Variants in MGRN1 observed in about 807,000 individuals in gnomAD.
The protein encoded by MGRN1 is E3 ubiquitin-protein ligase MGRN1.
A neutral mutation model predicts 69.2 loss-of-function variants in MGRN1; 29 were observed. That is an observed-to-expected ratio of 0.42 (90% confidence interval 0.31 to 0.57). MGRN1 has a LOEUF of 0.57. MGRN1 is among the 20% of genes least tolerant of loss of function. MGRN1 has a pLI of 0.15. For missense variants in MGRN1, 998 were observed against 796.2 expected, an observed-to-expected ratio of 1.25 and a Z score of -3.05; for synonymous variants, 470 against 344.2, an observed-to-expected ratio of 1.37 and a Z score of -4.04.
chr16:4,668,433 A>G, intron 8 of MGRN1, 121 bp downstream of exon 8: 1 of 925,212 alleles, frequency 1.1e-6, no homozygotes, highest in East Asian at 2.6e-5. Context: ...ATACACGCTC[A>G]TACACACTCA....
chr16:4,669,500 C>T (rs980101116), intron 8 of MGRN1, among the ~76,000 whole-genome samples: 6 of 149,840 alleles, frequency 4.0e-5, no homozygotes, highest in Non-Finnish European at 5.9e-5. Context: ...TCTGGGACGA[C>T]GGGTCCCTGT....
At position 4,680,093 on chromosome 16, in the gene MGRN1, A is replaced by G; in HGVS notation, c.1127A>G (p.Glu376Gly). Residue 376 changes from glutamate (E) to glycine (G), a missense_variant, in exon 12 of 17, where the codon GAA (glutamate) becomes GGA (glycine). Transcript: ENST00000262370. ...ASLASKKPKR[E>G]TNSDSVPPGY... is the part of the protein sequence containing the mutation. ...CTGGCCAGCAAGAAACCTAAAAGGGAAACAGTAAGTGTCTGGTCCTCCGGC... is the reference window on the plus strand; with the variant it reads ...CTGGCCAGCAAGAAACCTAAAAGGGGAACAGTAAGTGTCTGGTCCTCCGGC... 1 of 1,614,022 alleles carries G rather than the reference A, an allele frequency of 6.2e-7. No homozygotes were observed. The highest frequency in any genetic ancestry group is 8.5e-7 in the Non-Finnish European group (1 of 1,179,914).
intron 1 of MGRN1, chr16:4,635,041 C>T (rs1041894487): frequency 2.0e-5 from 3 of 152,166 alleles, no homozygotes; most frequent in Non-Finnish European, 4.4e-5. Context: ...TCTGGGGAAT[C>T]GAAAGAAAGA....
intron 16 of MGRN1, chr16:4,687,199 A>C: frequency 3.2e-6 from 3 of 941,244 alleles, no homozygotes; most frequent in Non-Finnish European, 3.7e-6. Context: ...TGAGGTTGGC[A>C]TCCCCCATCC....
chr16:4,684,224 G>C (rs959408399), intron 16 of MGRN1, among the ~76,000 whole-genome samples: 2 of 152,252 alleles, frequency 1.3e-5, no homozygotes, highest in African/African-American at 2.4e-5. Flanking sequence ...CGCGAGAGAG[G>C]CTGCCTGTGA....
chr16:4,682,982 C>CG, intron 14 of MGRN1, 36 bp downstream of exon 14: 1 of 1,506,098 alleles, frequency 6.6e-7, no homozygotes, highest in Non-Finnish European at 8.9e-7. Context: ...CGCACCCGCC[C>CG]GGGCCAGCCC....
rs374347008 is a variant in MGRN1 at position 4,687,841 on chromosome 16, C to T, written c.1619-955C>T. 1.1e-5 allele frequency: 11 copies of T among 985,370 alleles called. No individual in the cohort carries two copies. The South Asian group carries it at 4.2e-4, about 38-fold the overall frequency. The allele number at this position is 985,370 out of a possible 1,614,324, so 61.0% of individuals were successfully genotyped here. On this transcript the variant is annotated intron_variant, in intron 16 of 16. Transcript: ENST00000262370. ...GAGAACTTCGCTTCTTTTGACTGCG[C>T]TCTGCATTCCCATGAACCTCTGTCT...
chr16:4,687,869 T>C, intron 16 of MGRN1: 3 of 985,538 alleles, frequency 3.0e-6, no homozygotes, highest in Non-Finnish European at 3.6e-6. Flanking sequence ...CTCTGTCTTC[T>C]TGAGCCCAGC....
chr16:4,676,626 CG>C (rs1192543141), intron 10 of MGRN1, among the ~76,000 whole-genome samples: 1 of 152,148 alleles, frequency 6.6e-6, no homozygotes, highest in Non-Finnish European at 1.5e-5. Flanking sequence ...CCTGGGCTGA[CG>C]GCAGATGCAT....
intron 12 of MGRN1, 197 bp downstream of exon 12, chr16:4,680,294 A>G (rs749024500): frequency 4.5e-5 from 26 of 572,142 alleles, no homozygotes; most frequent in Non-Finnish European, 6.4e-5. Flanking sequence ...GCGAAACGCC[A>G]GGTGCGCTGG....
At chr16:4,679,162 G>A (rs1407620082) in intron 11 of MGRN1, among the ~76,000 whole-genome samples, 2 of 152,254 alleles carry the variant, frequency 1.3e-5, no homozygotes, top group Non-Finnish European at 1.5e-5. Flanking sequence ...TTTTGGTGGA[G>A]AGAGAAGCAG....
intron 1 of MGRN1, among the ~76,000 whole-genome samples, chr16:4,639,200 C>T (rs1350992929): frequency 6.6e-6 from 1 of 152,058 alleles, no homozygotes; most frequent in Non-Finnish European, 1.5e-5. Context: ...GAGGATGATG[C>T]CTACTTTTGG....
intron 5 of MGRN1, among the ~76,000 whole-genome samples, chr16:4,663,471 C>T (rs1051459020): frequency 1.4e-5 from 2 of 146,118 alleles, no homozygotes; most frequent in Middle Eastern, 3.8e-3. Flanking sequence ...TTAGAATGCT[C>T]ACAGTGGCAC....
chr16:4,658,537 G>GA (rs559417564), intron 5 of MGRN1, among the ~76,000 whole-genome samples: 13,839 of 115,598 alleles, frequency 0.12, 1,637 homozygotes, highest in African/African-American at 0.3. Context: ...TTCCGTCTCA[G>GA]AAAAAAAAAA....
Position 4,689,621 on chromosome 16 carries a change from C to CT in MGRN1, c.*713_*714insT, listed in dbSNP as rs2079412154. On this transcript the variant is annotated 3_prime_UTR_variant, in exon 17 of 17. Coordinates refer to ENST00000262370, the MANE Select transcript of MGRN1 (RefSeq NM_015246.4). ...ATTCAGTGGCCTTGTCACCAAGCTC[C>CT]ACACCTCCTCCTGGTGCTGGCTTTG... 1 of 151,996 alleles carries CT rather than the reference C, an allele frequency of 6.6e-6. No individual in the cohort carries two copies. The highest frequency in any genetic ancestry group is 1.9e-4 in the East Asian group (1 of 5,166). The allele number at this position is 151,996 out of a possible 1,614,324, so 9.4% of individuals were successfully genotyped here.
intron 5 of MGRN1, among the ~76,000 whole-genome samples, chr16:4,662,952 C>G (rs1438821421): frequency 1.3e-5 from 2 of 152,234 alleles, no homozygotes; most frequent in African/African-American, 4.8e-5. Flanking sequence ...CCTCATGGGT[C>G]TTAGTCAGTG....
intron 1 of MGRN1, among the ~76,000 whole-genome samples, chr16:4,635,343 G>C (rs1018940181): frequency 2.0e-5 from 3 of 152,188 alleles, no homozygotes; most frequent in African/African-American, 4.8e-5. Flanking sequence ...CTTGAAACCA[G>C]GAGGTGGAGT....
chr16:4,671,611 C>T (rs79097337), intron 9 of MGRN1, 152 bp downstream of exon 9: 76 of 693,312 alleles, frequency 1.1e-4, no homozygotes, highest in Non-Finnish European at 1.8e-4. Flanking sequence ...TTTTTTAAAG[C>T]TAACAGTTTA....
At chr16:4,654,432 T>G (rs8051269) in intron 4 of MGRN1, among the ~76,000 whole-genome samples, 5,798 of 152,354 alleles carry the variant, frequency 0.038, 375 homozygotes, top group African/African-American at 0.13. Flanking sequence ...CCTGAAAGTT[T>G]GAAAACTGCA....
Sources: gnomAD v4.1 joint callset for allele counts (sites outside exome capture counted in the v4.1 genomes callset) on GRCh38, gnomAD v4.1.1 for gene constraint, MANE v1.5 for transcripts, NCBI Gene and HGNC (gene_info 2026-07-23, HGNC 2026-07-21) for gene names.